IL27RA: variants seen among roughly 807,000 people sequenced by gnomAD.
IL27RA encodes interleukin 27 receptor subunit alpha, also known as interleukin-27 receptor subunit alpha.
In IL27RA, 61 loss-of-function variants were observed where a neutral mutation model predicts 80.8. The ratio of observed to expected loss-of-function variants is 0.76; its 90% CI spans 0.61 to 0.93. The LOEUF (loss-of-function observed/expected upper bound fraction) is 0.93. Among genes scored for constraint, IL27RA ranks in the 40% least tolerant of loss-of-function variants. IL27RA has a pLI of 0.00. For synonymous variants in IL27RA, 316 were observed against 332.5 expected, an observed-to-expected ratio of 0.95 and a Z score of 0.54; for missense variants, 735 against 808.1, an observed-to-expected ratio of 0.91 and a Z score of 1.10.
Position 14,050,776 on chromosome 19 carries a change from G to A in IL27RA, c.1421G>A (p.Ser474Asn). 1.9e-6 allele frequency: 3 copies of A among 1,613,180 alleles called. No homozygotes were observed. The highest frequency in any genetic ancestry group is 2.5e-6 in the Non-Finnish European group (3 of 1,179,326). Reference sequence around the variant, plus strand: ...TCTCCAGTGAGTGGCAACACACAGAGTGTCACCCTGCCTGACCTTCCTTGG... The same window carrying A: ...TCTCCAGTGAGTGGCAACACACAGAATGTCACCCTGCCTGACCTTCCTTGG... ...VCMNVSGNTQ[S>N]VTLPDLPWGP... Residue 474 changes from serine to asparagine, a missense_variant, in exon 11 of 14, where the codon AGT becomes AAT. Transcript: ENST00000263379.
intron 11 of IL27RA, 48 bp downstream of exon 11, chr19:14,050,931 A>G (rs752706627): frequency 3.8e-6 from 6 of 1,564,566 alleles, no homozygotes; most frequent in Non-Finnish European, 5.2e-6. Flanking sequence ...TGTACTCCAC[A>G]GTGGGGAGAG....
intron 2 of IL27RA, among the ~76,000 whole-genome samples, chr19:14,032,805 C>CAAAAAAAAAAAAAAAAAAAA (rs60328140): frequency 1.6e-5 from 1 of 60,778 alleles, no homozygotes; most frequent in Non-Finnish European, 3.2e-5. Context: ...GACTCTGTCT[C>CAAAAAAAAAAAAAAAAAAAA]AAAAAAAAAA....
chr19:14,041,903 TA>T (rs1189145430), intron 4 of IL27RA, among the ~76,000 whole-genome samples: 1 of 151,678 alleles, frequency 6.6e-6, no homozygotes, highest in African/African-American at 2.4e-5. Flanking sequence ...CCGTCTCTAC[TA>T]AAAATACAAA....
chr19:14,043,471 G>A (rs1976020467), intron 6 of IL27RA, among the ~76,000 whole-genome samples: 1 of 151,854 alleles, frequency 6.6e-6, no homozygotes, highest in Admixed American at 6.6e-5. Flanking sequence ...CCAGGCTGGA[G>A]TGCAGCAGCG....
chr19:14,037,546 C>A (rs1044714836), intron 2 of IL27RA, among the ~76,000 whole-genome samples: 2 of 152,026 alleles, frequency 1.3e-5, no homozygotes, highest in Non-Finnish European at 2.9e-5. Flanking sequence ...TGAGCCACCA[C>A]GCCTGGCCCC....
Position 14,046,346 on chromosome 19 carries a change from C to G in IL27RA, c.952+9C>G, listed in dbSNP as rs113191093. The stretch of plus-strand genomic sequence containing the variant: ...CTCTTTGGTCTGCTTGGGTAAGAGA[C>G]TGTGACCTTCCTCAGCTCGGTGCCC... On this transcript the variant is annotated intron_variant, in intron 7 of 13. Coordinates refer to ENST00000263379, the MANE Select transcript of IL27RA (RefSeq NM_004843.4). 2,307 of 1,613,408 alleles carry G rather than the reference C, an allele frequency of 1.4e-3. 33 individuals carry two copies. In the African/African-American group the frequency reaches 0.028, roughly 20 times the overall value.
chr19:14,039,707 C>A, intron 3 of IL27RA, 42 bp downstream of exon 3: 2 of 1,609,974 alleles, frequency 1.2e-6, no homozygotes, highest in Non-Finnish European at 1.7e-6. Context: ...GGGGTGGGTG[C>A]TCTTGGAGGG....
At chr19:14,046,691 G>A (rs1599302385) in intron 8 of IL27RA, 73 bp downstream of exon 8, 6 of 1,398,122 alleles carry the variant, frequency 4.3e-6, no homozygotes, top group Non-Finnish European at 5.9e-6. Context: ...GTAAGAGGGA[G>A]TGCTATGATT....
At chr19:14,042,852 C>A in intron 6 of IL27RA, 63 bp downstream of exon 6, 2 of 1,425,682 alleles carry the variant, frequency 1.4e-6, no homozygotes, top group African/African-American at 1.4e-5. Flanking sequence ...ATAACAATGA[C>A]ATAAGGCCGG....
intron 8 of IL27RA, among the ~76,000 whole-genome samples, chr19:14,047,239 G>T (rs997171149): frequency 8.7e-5 from 13 of 149,574 alleles, no homozygotes; most frequent in Non-Finnish European, 1.9e-4. Context: ...AAGTAGAGAC[G>T]GGGTTTCACC....
At position 14,039,498 on chromosome 19, in the gene IL27RA, C is replaced by T; in HGVS notation, c.219-10C>T. On this transcript the variant is annotated splice_polypyrimidine_tract_variant and intron_variant, in intron 2 of 13. Transcript: ENST00000263379. ...GAGTGTGCATCTCATCCCCGCCTCT[C>T]TCCTCACAGCCGTTCCAACAAAACC... 6.2e-7 allele frequency: 1 copy of T among 1,606,904 alleles called. No individual in the cohort carries two copies.
At position 14,042,764 on chromosome 19, in the gene IL27RA, G is replaced by A. The variant is rs767973999; in HGVS notation, c.743G>A (p.Gly248Glu). Residue 248 changes from glycine (G) to glutamate (E), a missense_variant, in exon 6 of 14, where the codon GGA becomes GAA. By Grantham distance (98) the Gly-to-Glu change is moderately conservative. Transcript: ENST00000263379. ...VSGNLCGTPG[G>E]EEPLLLWKAP... ...GGGAACCTCTGTGGGACGCCTGGAG[G>A]AGAGGAACCTTTGCTTCTATGGAAG... The A allele has an allele frequency of 6.2e-6, 10 of 1,614,038 alleles. No individual in the cohort carries two copies. Among genetic ancestry groups the A allele is most frequent in the Non-Finnish European group, 8.5e-6 (10 of 1,180,030 alleles).
In IL27RA at chr19:14,052,227, C is replaced by T. The variant is rs762283541; in HGVS notation, c.1848C>T (p.His616=). ...CGCTTGACTCTGGGTATGAGAAGCA[C>T]TTCCTGCCCACACCTGAGGAGCTGG... ...TAPLDSGYEK[H]FLPTPEELGL... Residue 616 remains histidine (H), a synonymous_variant, in exon 14 of 14, where the codon CAC becomes CAT. Coordinates refer to ENST00000263379, the MANE Select transcript of IL27RA (RefSeq NM_004843.4). The T allele has an allele frequency of 4.4e-6, 7 of 1,593,178 alleles. No individual in the cohort carries two copies. Among genetic ancestry groups the T allele is most frequent in the Non-Finnish European group, 4.3e-6 (5 of 1,170,218 alleles).
In IL27RA at chr19:14,048,905, C is replaced by T. The variant is rs377455701; in HGVS notation, c.1142-76C>T. On this transcript the variant is annotated intron_variant, in intron 8 of 13. Coordinates refer to ENST00000263379, the MANE Select transcript of IL27RA (RefSeq NM_004843.4). ...TATCTCAGGGTGTCCTTCTGGGGAC[C>T]CCAGTGAAGACACCTAGGAAATGAG... The T allele has an allele frequency of 2.8e-5, 35 of 1,263,260 alleles. 2 individuals are homozygous for T. Among genetic ancestry groups the T allele is most frequent in the African/African-American group, 4.5e-5 (3 of 67,370 alleles). 78.3% of individuals were successfully genotyped at this position (1,263,260 alleles called of 1,614,324 possible). A position where few individuals can be genotyped will look rare whatever the true frequency, so the allele number is the denominator to read the frequency against.
Position 14,033,389 on chromosome 19 carries a change from G to A in IL27RA, c.218+886G>A, listed in dbSNP as rs1179159682. Among the ~76,000 whole-genome samples, 5 of 150,512 alleles carry A rather than the reference G, an allele frequency of 3.3e-5. 1 individual carries two copies. Among genetic ancestry groups the A allele is most frequent in the African/African-American group, 4.9e-5 (2 of 41,014 alleles). On this transcript the variant is annotated intron_variant, in intron 2 of 13. Transcript: ENST00000263379. ...TCTGGGATTACAGGTGTGAGCCACCGTGCCTGGCCGAGAGCCCGTCTCTTA... is the reference window on the plus strand; with the variant it reads ...TCTGGGATTACAGGTGTGAGCCACCATGCCTGGCCGAGAGCCCGTCTCTTA...
At chr19:14,032,028 G>T in intron 1 of IL27RA, 56 bp downstream of exon 1, 1 of 1,455,908 alleles carries the variant, frequency 6.9e-7, no homozygotes, top group South Asian at 1.2e-5. Flanking sequence ...CCCCGCGAAG[G>T]CGCCAGTGCT....
At chr19:14,047,852 C>T (rs970554573) in intron 8 of IL27RA, among the ~76,000 whole-genome samples, 5 of 148,018 alleles carry the variant, frequency 3.4e-5, no homozygotes, top group African/African-American at 1.0e-4. Context: ...TTAGTAGGAA[C>T]GGAGTTTCAC....
intron 10 of IL27RA, among the ~76,000 whole-genome samples, chr19:14,049,805 C>T (rs1404750348): frequency 1.3e-5 from 2 of 151,864 alleles, no homozygotes; most frequent in Non-Finnish European, 2.9e-5. Context: ...ATCTCGAACT[C>T]CTGACCTCGT....
intron 2 of IL27RA, among the ~76,000 whole-genome samples, chr19:14,037,266 T>G (rs1270320309): frequency 9.3e-6 from 1 of 107,898 alleles, no homozygotes; most frequent in Admixed American, 8.0e-5. Context: ...TTATTTTTAC[T>G]TTTTTTTTTT....
Sources: gnomAD v4.1 joint callset for allele counts (sites outside exome capture counted in the v4.1 genomes callset) on GRCh38, gnomAD v4.1.1 for gene constraint, MANE v1.5 for transcripts, NCBI Gene and HGNC (gene_info 2026-07-23, HGNC 2026-07-21) for gene names.